DDX60L: variants seen among roughly 807,000 people sequenced by gnomAD.
DDX60L encodes the protein probable ATP-dependent RNA helicase DDX60-like.
A neutral mutation model predicts 211.6 loss-of-function variants in DDX60L; 191 were observed. The observed-to-expected ratio is 0.90, with a 90% CI of 0.80 to 1.02. The LOEUF (loss-of-function observed/expected upper bound fraction) is 1.02. Among genes scored for constraint, DDX60L ranks in the 50% least tolerant of loss-of-function variants. The probability of loss-of-function intolerance (pLI) is 0.00; values close to 1 mark genes in which losing one functional copy is unlikely to be tolerated. For synonymous variants in DDX60L, 706 were observed against 694.1 expected (o/e 1.02, Z -0.27); for missense variants, 2,007 against 1,984.1 (o/e 1.01, Z -0.22).
At chr4:168,427,756 C>T (rs1269128786) in intron 13 of DDX60L, among the ~76,000 whole-genome samples, 7 of 152,134 alleles carry the variant, frequency 4.6e-5, no homozygotes, top group African/African-American at 1.7e-4. Context: ...AAAACACCAA[C>T]GGTCTAAGCA....
At chr4:168,419,658 C>G (rs1249573124) in intron 18 of DDX60L, among the ~76,000 whole-genome samples, 3 of 151,680 alleles carry the variant, frequency 2.0e-5, no homozygotes, top group Non-Finnish European at 4.4e-5. Context: ...ATAAGGGAGA[C>G]AATCTATCTT....
At chr4:168,452,996 T>G (rs533535106) in intron 8 of DDX60L, 128 bp downstream of exon 8, 1 of 981,850 alleles carries the variant, frequency 1.0e-6, no homozygotes, top group South Asian at 2.1e-5. Context: ...AAATAAAAGT[T>G]GTTGAAAATA....
intron 8 of DDX60L, among the ~76,000 whole-genome samples, chr4:168,452,317 T>C (rs1755909310): frequency 1.3e-5 from 2 of 152,264 alleles, no homozygotes; most frequent in Admixed American, 1.3e-4. Context: ...CATTACAAAT[T>C]ATCCCTCAAG....
intron 25 of DDX60L, among the ~76,000 whole-genome samples, chr4:168,402,638 T>C (rs1747033688): frequency 6.6e-6 from 1 of 152,196 alleles, no homozygotes; most frequent in South Asian, 2.1e-4. Flanking sequence ...AAGCTAAGAT[T>C]TGACCCAAAG....
intron 13 of DDX60L, among the ~76,000 whole-genome samples, chr4:168,429,310 A>AT (rs1161057477): frequency 3.3e-5 from 5 of 151,872 alleles, no homozygotes; most frequent in African/African-American, 1.2e-4. Flanking sequence ...ATTCCTAGCT[A>AT]TTTTTTTATA....
At chr4:168,391,457 C>T in intron 29 of DDX60L, 83 bp downstream of exon 29, 1 of 888,602 alleles carries the variant, frequency 1.1e-6, no homozygotes, top group Non-Finnish European at 1.8e-6. Context: ...CAAACCGTAG[C>T]CTGTTACCAG....
rs781566574 is a variant in DDX60L, at chr4:168,421,759, C to T, written c.2394+1G>A. The stretch of plus-strand genomic sequence containing the variant: ...AAAAATGAAAGTCATTCAAACACTA[C>T]CTTTGCGGGTGCAACGTACACAACC... On this transcript the variant is annotated splice_donor_variant, in intron 17 of 37. Transcript: ENST00000682922. LOFTEE classifies it high-confidence loss of function. 3 of 1,613,956 alleles carry T rather than the reference C, an allele frequency of 1.9e-6. No homozygotes were observed. Among genetic ancestry groups the T allele is most frequent in the South Asian group, 2.2e-5 (2 of 91,064 alleles).
Position 168,477,197 on chromosome 4 carries a change from C to T in DDX60L, c.-111+3180G>A, listed in dbSNP as rs1209937791. On this transcript the variant is annotated intron_variant, in intron 1 of 37. Transcript: ENST00000682922. The stretch of plus-strand genomic sequence containing the variant: ...TTGGGAGGCCAAGGCGGACGGATCA[C>T]AAGGTCAGGAGATCGAGACCATCCT... Among the ~76,000 whole-genome samples the T allele has an allele frequency of 2.6e-5, 4 of 152,244 alleles. No individual in the cohort carries two copies. The East Asian group carries it at 7.7e-4, about 29-fold the overall frequency.
At chr4:168,421,532 A>G (rs1451397328) in intron 17 of DDX60L, among the ~76,000 whole-genome samples, 5 of 152,076 alleles carry the variant, frequency 3.3e-5, no homozygotes, top group African/African-American at 7.2e-5. Flanking sequence ...GCACGTGCCT[A>G]TAATCCCAGC....
chr4:168,403,948 AT>A (rs1747287001), intron 25 of DDX60L, 33 bp downstream of exon 25: 1 of 1,338,338 alleles, frequency 7.5e-7, no homozygotes, highest in Admixed American at 2.6e-5. Context: ...ATTCTCACAT[AT>A]AAACAAAGAT....
At position 168,421,893 on chromosome 4, in the gene DDX60L, A is replaced by G. The variant is rs61740705; in HGVS notation, c.2261T>C (p.Val754Ala). The change falls in exon 17 of 38, where the codon GTG (valine) becomes GCG (alanine). Residue 754 changes from valine to alanine, a missense_variant. Physicochemically the swap from Val to Ala is moderately conservative, Grantham distance 64 (BLOSUM62 0). Coordinates refer to ENST00000682922, the MANE Select transcript of DDX60L (RefSeq NM_001012967.3). ...PNAWQQELLD[V>A]VDKNESAVIV... ...CACTGCTGACTCATTCTTATCTACC[A>G]CATCCAGGAGTTCCTGCTGCAGGGT... 299,885 of 1,614,024 alleles carry G rather than the reference A, an allele frequency of 0.19. 30,443 individuals carry two copies. The highest frequency in any genetic ancestry group is 0.2 in the South Asian group (18,550 of 91,080).
intron 26 of DDX60L, among the ~76,000 whole-genome samples, chr4:168,396,816 C>T (rs1216595306): frequency 6.6e-6 from 1 of 151,600 alleles, no homozygotes; most frequent in Non-Finnish European, 1.5e-5. Flanking sequence ...AAGATCAAAG[C>T]AGTGGTGGAA....
chr4:168,441,518 A>C (rs1753834439), intron 9 of DDX60L, 26 bp from the exon 10 acceptor site: 2 of 1,566,206 alleles, frequency 1.3e-6, no homozygotes, highest in Non-Finnish European at 1.7e-6. Context: ...AAATATTAAA[A>C]TCTCAAAAGT....
At chr4:168,397,401 T>A (rs1745991905) in intron 26 of DDX60L, among the ~76,000 whole-genome samples, 1 of 152,216 alleles carries the variant, frequency 6.6e-6, no homozygotes, top group South Asian at 2.1e-4. Context: ...CAATGCAGTG[T>A]TATAATTAAT....
chr4:168,411,136 G>C (rs977687139), intron 22 of DDX60L, among the ~76,000 whole-genome samples: 4 of 152,284 alleles, frequency 2.6e-5, no homozygotes, highest in Middle Eastern at 3.4e-3. Flanking sequence ...TGATGTCCGT[G>C]TACCTGAGGT....
intron 3 of DDX60L, among the ~76,000 whole-genome samples, 165 bp downstream of exon 3, chr4:168,472,290 G>C (rs931086767): frequency 1.3e-5 from 2 of 152,152 alleles, no homozygotes; most frequent in African/African-American, 4.8e-5. Context: ...TCTGTTCAGT[G>C]ACAGCTAAGA....
chr4:168,446,612 A>G (rs13112224), intron 9 of DDX60L, among the ~76,000 whole-genome samples: 43,612 of 151,348 alleles, frequency 0.29, 7,850 homozygotes, highest in East Asian at 0.62. Flanking sequence ...GAGGCATCAC[A>G]CTACCTGACT....
In DDX60L at chr4:168,357,933, T is replaced by C. The variant is rs1738409266; in HGVS notation, c.*214A>G. ...CCTCAAAACAACTAGAGGTATTCAT[T>C]TTTACTCCGGTTTTGCCAAAAATGA... On this transcript the variant is annotated 3_prime_UTR_variant, in exon 38 of 38. Transcript: ENST00000682922. 2.0e-5 allele frequency: 9 copies of C among 445,332 alleles called. No individual in the cohort carries two copies. The South Asian group carries it at 2.3e-4, about 11-fold the overall frequency. 27.6% of individuals were successfully genotyped at this position (445,332 alleles called of 1,614,324 possible). A position where few individuals can be genotyped will look rare whatever the true frequency, so the allele number is the denominator to read the frequency against.
At chr4:168,411,631 G>A (rs751653086) in intron 22 of DDX60L, among the ~76,000 whole-genome samples, 36 of 152,078 alleles carry the variant, frequency 2.4e-4, no homozygotes, top group Non-Finnish European at 2.9e-4. Flanking sequence ...TAAAGTGCCC[G>A]AGGGTCCTAA....
Sources: allele counts gnomAD v4.1 joint callset (sites outside exome capture counted in the v4.1 genomes callset), GRCh38; gene constraint gnomAD v4.1.1; transcripts MANE v1.5; gene names NCBI Gene and HGNC (gene_info 2026-07-23, HGNC 2026-07-21).